SPAG9: variants seen among roughly 807,000 people sequenced by gnomAD.
SPAG9 encodes the protein sperm associated antigen 9, also known as C-Jun-amino-terminal kinase-interacting protein 4.
A neutral mutation model predicts 166.5 loss-of-function variants in SPAG9; 35 were observed. The ratio of observed to expected loss-of-function variants is 0.21; its 90% CI spans 0.16 to 0.28. The LOEUF is 0.28. Among genes scored for constraint, SPAG9 ranks in the 10% least tolerant of loss-of-function variants. The probability of loss-of-function intolerance (pLI) is 1.00; values close to 1 mark genes in which losing one functional copy is unlikely to be tolerated. For missense variants in SPAG9, 1,235 were observed against 1,603.3 expected, an observed-to-expected ratio of 0.77 and a Z score of 3.92; for synonymous variants, 534 against 565.5, an observed-to-expected ratio of 0.94 and a Z score of 0.79.
At chr17:50,971,207 T>C (rs1194609664) in intron 28 of SPAG9, among the ~76,000 whole-genome samples, 1 of 151,950 alleles carries the variant, frequency 6.6e-6, no homozygotes, top group Non-Finnish European at 1.5e-5. Flanking sequence ...CTTGGGAGGT[T>C]GAGGCAGAAA....
chr17:50,976,052 C>A (rs1263360965), intron 27 of SPAG9, among the ~76,000 whole-genome samples: 1 of 152,060 alleles, frequency 6.6e-6, no homozygotes, highest in African/African-American at 2.4e-5. Context: ...TGGCATAATA[C>A]CAAGTAATAC....
chr17:51,105,698 T>C (rs1814856560), intron 1 of SPAG9, among the ~76,000 whole-genome samples: 1 of 151,598 alleles, frequency 6.6e-6, no homozygotes, highest in South Asian at 2.1e-4. Context: ...TGAAACCTCG[T>C]CTCTACTAAA....
At chr17:51,113,448 G>C (rs879335044) in intron 1 of SPAG9, among the ~76,000 whole-genome samples, 2 of 151,874 alleles carry the variant, frequency 1.3e-5, no homozygotes, top group Admixed American at 6.6e-5. Flanking sequence ...GGGAGGCCAA[G>C]GCAGGTGGAT....
chr17:51,057,964 A>T (rs1447979242), intron 2 of SPAG9, among the ~76,000 whole-genome samples: 1 of 152,244 alleles, frequency 6.6e-6, no homozygotes, highest in East Asian at 1.9e-4. Context: ...AATTATGGAT[A>T]TTTAATAATT....
chr17:51,004,304 C>T (rs2045099442), intron 12 of SPAG9, among the ~76,000 whole-genome samples: 1 of 152,082 alleles, frequency 6.6e-6, no homozygotes, highest in Non-Finnish European at 1.5e-5. Context: ...GATTCATAAC[C>T]TGCATGTCTT....
intron 1 of SPAG9, among the ~76,000 whole-genome samples, chr17:51,089,176 C>T (rs919028743): frequency 3.3e-5 from 5 of 151,788 alleles, no homozygotes; most frequent in Admixed American, 1.3e-4. Context: ...GTAATCCTAG[C>T]ACTTTGGGAG....
intron 22 of SPAG9, among the ~76,000 whole-genome samples, chr17:50,986,177 C>A (rs1382011496): frequency 6.6e-6 from 1 of 152,206 alleles, no homozygotes; most frequent in African/African-American, 2.4e-5. Flanking sequence ...AGTCTGCCAC[C>A]TGTTTTAATC....
At chr17:50,971,736 A>T (rs1973835654) in intron 28 of SPAG9, among the ~76,000 whole-genome samples, 1 of 151,934 alleles carries the variant, frequency 6.6e-6, no homozygotes, top group Non-Finnish European at 1.5e-5. Flanking sequence ...CTGGGAATAC[A>T]GGCATGAGCC....
chr17:51,028,698 C>T (rs2046281768), intron 6 of SPAG9, among the ~76,000 whole-genome samples: 3 of 152,194 alleles, frequency 2.0e-5, no homozygotes, highest in Admixed American at 2.0e-4. Context: ...TTAAGCGACA[C>T]ATGACTATGT....
At chr17:51,028,548 T>C (rs2046275681) in intron 6 of SPAG9, among the ~76,000 whole-genome samples, 1 of 152,232 alleles carries the variant, frequency 6.6e-6, no homozygotes, top group Non-Finnish European at 1.5e-5. Flanking sequence ...CTGCACAGGT[T>C]GCAGCCTAAG....
chr17:51,040,279 G>T (rs917554715), intron 5 of SPAG9: 1 of 151,584 alleles, frequency 6.6e-6, no homozygotes, highest in Admixed American at 6.6e-5. Context: ...GAGCGAGCGA[G>T]TTGCCCAGTA....
chr17:51,031,802 C>T, intron 5 of SPAG9, 80 bp from the exon 6 acceptor site: 1 of 987,660 alleles, frequency 1.0e-6, no homozygotes, highest in South Asian at 1.4e-5. Context: ...TTGGCTTGTA[C>T]TATCTCCCAA....
chr17:51,064,179 A>G (rs1474424004), intron 2 of SPAG9, among the ~76,000 whole-genome samples: 1 of 152,184 alleles, frequency 6.6e-6, no homozygotes, highest in Non-Finnish European at 1.5e-5. Flanking sequence ...CTGCTTAGTT[A>G]TATTCAGATG....
chr17:51,006,917 C>T (rs2045244651), intron 10 of SPAG9, among the ~76,000 whole-genome samples: 1 of 151,770 alleles, frequency 6.6e-6, no homozygotes. Flanking sequence ...AAAAGAAACC[C>T]CAGGAGAAGA....
chr17:50,966,786 C>T (rs1973394408), intron 29 of SPAG9, among the ~76,000 whole-genome samples: 1 of 152,148 alleles, frequency 6.6e-6, no homozygotes, highest in Non-Finnish European at 1.5e-5. Context: ...AATGCGTGAG[C>T]ACAGGTACAG....
chr17:50,977,656 A>G (rs968254832), intron 26 of SPAG9, among the ~76,000 whole-genome samples: 1 of 152,296 alleles, frequency 6.6e-6, no homozygotes, highest in African/African-American at 2.4e-5. Flanking sequence ...TAGATCCTAC[A>G]AGGTGGGATG....
In SPAG9 at chr17:50,965,395, T is replaced by C. The variant is rs577437193; in HGVS notation, c.*877A>G. 5.3e-5 allele frequency: 8 copies of C among 152,294 alleles called. No individual in the cohort carries two copies. In the East Asian group the frequency reaches 9.6e-4, roughly 18 times the overall value. The allele number at this position is 152,294 out of a possible 1,614,324, so 9.4% of individuals were successfully genotyped here. On this transcript the variant is annotated 3_prime_UTR_variant, in exon 30 of 30. Transcript: ENST00000262013. ...TTGGCAAACAAGTACATTTTTTACA[T>C]GGAAAAAACTCAATCAACATCACCA...
chr17:51,030,549 T>C (rs1468924346), intron 6 of SPAG9, among the ~76,000 whole-genome samples: 1 of 152,196 alleles, frequency 6.6e-6, no homozygotes, highest in African/African-American at 2.4e-5. Context: ...TTTACAGCTA[T>C]GTGGCATAAA....
chr17:51,114,197 G>T (rs576037812), intron 1 of SPAG9, among the ~76,000 whole-genome samples: 2 of 151,888 alleles, frequency 1.3e-5, no homozygotes, highest in East Asian at 1.9e-4. Context: ...GTGCTGGCGC[G>T]TGCCTGTAAT....
Sources: allele counts gnomAD v4.1 joint callset (sites outside exome capture counted in the v4.1 genomes callset), GRCh38; gene constraint gnomAD v4.1.1; transcripts MANE v1.5; gene names NCBI Gene and HGNC (gene_info 2026-07-23, HGNC 2026-07-21).